KIAA1217: variants seen among roughly 807,000 people sequenced by gnomAD.
KIAA1217 encodes the protein sickle tail protein homolog.
Under a neutral mutation model 163.9 loss-of-function variants are expected in KIAA1217, and 88 were observed. The ratio of observed to expected loss-of-function variants is 0.54; its 90% confidence interval spans 0.45 to 0.64. The LOEUF is 0.64. Among genes scored for constraint, KIAA1217 ranks in the 30% least tolerant of loss-of-function variants. KIAA1217 has a pLI of 0.00. For missense variants in KIAA1217, 2,372 were observed against 2,475.0 expected (o/e 0.96, Z 0.88); for synonymous variants, 903 against 923.1 (o/e 0.98, Z 0.39).
intron 5 of KIAA1217, among the ~76,000 whole-genome samples, chr10:24,466,046 T>C (rs1252732943): frequency 6.6e-6 from 1 of 152,188 alleles, no homozygotes; most frequent in Admixed American, 6.5e-5. Flanking sequence ...GGTTAATTAA[T>C]AGACAGCCTC....
intron 1 of KIAA1217, among the ~76,000 whole-genome samples, chr10:23,915,559 G>A (rs1423082174): frequency 2.0e-5 from 3 of 152,136 alleles, no homozygotes; most frequent in Non-Finnish European, 4.4e-5. Context: ...GATACACCAA[G>A]GTAATGTACC....
At chr10:24,045,509 A>G (rs1749253047) in intron 2 of KIAA1217, among the ~76,000 whole-genome samples, 1 of 151,718 alleles carries the variant, frequency 6.6e-6, no homozygotes, top group Admixed American at 6.6e-5. Context: ...AATTTTTCTG[A>G]TACTCATCTT....
At chr10:24,045,222 T>A (rs1848914459) in intron 2 of KIAA1217, among the ~76,000 whole-genome samples, 1 of 152,138 alleles carries the variant, frequency 6.6e-6, no homozygotes, top group Non-Finnish European at 1.5e-5. Context: ...GTTCAAAGAT[T>A]CAGTTTCCTT....
At chr10:23,813,870 A>C (rs1837190252) in intron 1 of KIAA1217, among the ~76,000 whole-genome samples, 1 of 152,054 alleles carries the variant, frequency 6.6e-6, no homozygotes, top group Non-Finnish European at 1.5e-5. Flanking sequence ...CCTTATCAAC[A>C]CTGTGTTATT....
chr10:24,342,452 CT>C (rs2047207423), intron 2 of KIAA1217, among the ~76,000 whole-genome samples: 1 of 152,136 alleles, frequency 6.6e-6, no homozygotes, highest in African/African-American at 2.4e-5. Flanking sequence ...CTCAATCCTC[CT>C]TTCTAAAATT....
chr10:23,740,188 C>T (rs9733477), intron 1 of KIAA1217, among the ~76,000 whole-genome samples: 34,828 of 152,006 alleles, frequency 0.23, 4,323 homozygotes, highest in African/African-American at 0.32. Flanking sequence ...AAAATCATAA[C>T]TCTAGATGAC....
intron 6 of KIAA1217, among the ~76,000 whole-genome samples, chr10:24,476,536 T>G (rs768165617): frequency 6.6e-6 from 1 of 152,146 alleles, no homozygotes; most frequent in Non-Finnish European, 1.5e-5. Flanking sequence ...AGATTAACAA[T>G]ATAAGAAAAA....
In KIAA1217 at chr10:24,138,229, C is replaced by G. The variant is rs12258022; in HGVS notation, c.-170-81397C>G. Among the ~76,000 whole-genome samples, 493 of 152,276 alleles carry G rather than the reference C, an allele frequency of 3.2e-3. 1 individual carries two copies. The highest frequency in any genetic ancestry group is 0.011 in the African/African-American group (462 of 41,554). ...AGTGCCATGGTGCAGTCATGGCTAACTGCAACCTCGAACTGCCAGGCTCAA... is the reference window on the plus strand; with the variant it reads ...AGTGCCATGGTGCAGTCATGGCTAAGTGCAACCTCGAACTGCCAGGCTCAA... On this transcript the variant is annotated intron_variant, in intron 2 of 18. Coordinates refer to the KIAA1217 transcript ENST00000376462.
Position 23,931,155 on chromosome 10 carries a change from T to C in KIAA1217, c.-320-76070T>C, listed in dbSNP as rs188631069. 2.2e-4 allele frequency among the ~76,000 whole-genome samples: 34 copies of C among 152,246 alleles called. No homozygotes were observed. In the South Asian group the frequency reaches 2.9e-3, roughly 13 times the overall value. On this transcript the variant is annotated intron_variant, in intron 1 of 18. Coordinates refer to the KIAA1217 transcript ENST00000376462. ...ACAACAACTAGCATTTATTGGGTTC[T>C]TCCTAGGGGTCAAACATTATGTTAA... is the stretch of plus-strand genomic sequence containing the variant.
Position 24,533,251 on chromosome 10 carries a change from G to A in KIAA1217, c.3414+14G>A. On this transcript the variant is annotated intron_variant, in intron 16 of 20. Coordinates refer to ENST00000376454, the MANE Select transcript of KIAA1217 (RefSeq NM_019590.5). ...GCAGAACTCCAGGTATGTGGATGAG[G>A]TGACTGACATTGGCTCCTTGCCTCC... 4 of 1,596,446 alleles carry A rather than the reference G, an allele frequency of 2.5e-6. No individual in the cohort carries two copies. Among genetic ancestry groups the A allele is most frequent in the Non-Finnish European group, 3.4e-6 (4 of 1,169,810 alleles).
intron 1 of KIAA1217, among the ~76,000 whole-genome samples, chr10:23,967,662 A>G (rs16924152): frequency 0.022 from 3,371 of 152,264 alleles, 137 homozygotes; most frequent in African/African-American, 0.076. Context: ...GTTTTGGAGG[A>G]CAATTTGACA....
chr10:24,066,753 C>T (rs1453513102), intron 2 of KIAA1217, among the ~76,000 whole-genome samples: 1 of 152,224 alleles, frequency 6.6e-6, no homozygotes, highest in Non-Finnish European at 1.5e-5. Context: ...AACTTGGTTC[C>T]ATTCTCCCCG....
intron 2 of KIAA1217, among the ~76,000 whole-genome samples, chr10:24,126,098 T>TA (rs1228541564): frequency 1.3e-5 from 2 of 152,236 alleles, no homozygotes; most frequent in Non-Finnish European, 2.9e-5. Context: ...TGTATAGGCA[T>TA]ATATCATTAA....
intron 1 of KIAA1217, among the ~76,000 whole-genome samples, chr10:23,943,577 T>C (rs151103346): frequency 4.6e-5 from 7 of 152,370 alleles, no homozygotes; most frequent in African/African-American, 1.4e-4. Flanking sequence ...GCAATTTTGA[T>C]TGAAACTGCA....
At chr10:23,919,101 C>T (rs1842746970) in intron 1 of KIAA1217, among the ~76,000 whole-genome samples, 1 of 152,166 alleles carries the variant, frequency 6.6e-6, no homozygotes, top group Non-Finnish European at 1.5e-5. Context: ...CCTCCAGCCC[C>T]ACATTCAGTG....
At chr10:24,490,150 A>T (rs1592348421) in intron 6 of KIAA1217, among the ~76,000 whole-genome samples, 1 of 152,220 alleles carries the variant, frequency 6.6e-6, no homozygotes, top group East Asian at 1.9e-4. Context: ...AGGCTGACTT[A>T]AGACATTAAA....
At chr10:24,090,332 CTTTTTTTTTTTTTTTTT>C (rs35966270) in intron 2 of KIAA1217, among the ~76,000 whole-genome samples, 2 of 58,944 alleles carry the variant, frequency 3.4e-5, no homozygotes, top group Non-Finnish European at 5.8e-5. Context: ...ACATCCTGCT[CTTTTTTTTTTTTTTTTT>C]TTTTTTTTTT....
chr10:24,021,276 T>G (rs988012642), intron 2 of KIAA1217, among the ~76,000 whole-genome samples: 1 of 151,976 alleles, frequency 6.6e-6, no homozygotes, highest in African/African-American at 2.4e-5. Flanking sequence ...GAGGTTAATA[T>G]ACAAAAGCCA....
intron 2 of KIAA1217, among the ~76,000 whole-genome samples, chr10:24,344,597 C>A (rs2047495751): frequency 6.6e-6 from 1 of 152,088 alleles, no homozygotes; most frequent in African/African-American, 2.4e-5. Flanking sequence ...GATTTTTTTC[C>A]CTCCTGAACT....
Sources: gnomAD v4.1 joint callset for allele counts (sites outside exome capture counted in the v4.1 genomes callset) on GRCh38, gnomAD v4.1.1 for gene constraint, MANE v1.5 for transcripts, NCBI Gene and HGNC (gene_info 2026-07-23, HGNC 2026-07-21) for gene names.